PSME4: variants seen among roughly 807,000 people sequenced by gnomAD.
The protein encoded by PSME4 is proteasome activator complex subunit 4.
A neutral mutation model predicts 253.9 loss-of-function variants in PSME4; 89 were observed. The observed-to-expected ratio is 0.35, with a 90% CI of 0.30 to 0.42. The LOEUF is 0.42. Among genes scored for constraint, PSME4 ranks in the 10% least tolerant of loss-of-function variants. The pLI is 1.00. For missense variants in PSME4, 2,014 were observed against 2,195.2 expected (o/e 0.92, Z 1.65); for synonymous variants, 851 against 759.2 (o/e 1.12, Z -1.99).
At chr2:53,922,607 AG>A (rs750950558) in intron 16 of PSME4, 23 bp from the exon 17 acceptor site, 2 of 1,607,000 alleles carry the variant, frequency 1.2e-6, no homozygotes, top group Non-Finnish European at 1.7e-6. Context: ...AAATACTATT[AG>A]GGGGAAAAAC....
chr2:53,896,065 T>A (rs1680123547), intron 32 of PSME4, among the ~76,000 whole-genome samples: 1 of 151,890 alleles, frequency 6.6e-6, no homozygotes, highest in Non-Finnish European at 1.5e-5. Context: ...GCTCAAAAAA[T>A]TCCCACATCT....
Position 53,869,550 on chromosome 2 carries a change from A to G in PSME4, c.5101-12T>C. 2 of 1,482,582 alleles carry G rather than the reference A, an allele frequency of 1.3e-6. No homozygotes were observed. Among genetic ancestry groups the G allele is most frequent in the Non-Finnish European group, 1.8e-6 (2 of 1,095,876 alleles). The allele number at this position is 1,482,582 out of a possible 1,614,324, so 91.8% of individuals were successfully genotyped here. A position where few individuals can be genotyped will look rare whatever the true frequency, so the allele number is the denominator to read the frequency against. On this transcript the variant is annotated splice_polypyrimidine_tract_variant and intron_variant, in intron 43 of 46. Transcript: ENST00000404125. ...GCCATTTCTCGAACCTGTAGATATA[A>G]TAATTTCTATTAGGACTGACATTCT...
intron 20 of PSME4, among the ~76,000 whole-genome samples, chr2:53,910,766 G>C (rs991971355): frequency 2.0e-5 from 3 of 152,116 alleles, no homozygotes; most frequent in Admixed American, 2.0e-4. Context: ...CATATGCAAG[G>C]ACAGATTTTA....
chr2:53,935,968 A>G, intron 7 of PSME4, 119 bp downstream of exon 7: 1 of 1,365,272 alleles, frequency 7.3e-7, no homozygotes, highest in Non-Finnish European at 9.6e-7. Context: ...ATCTTGGCTC[A>G]CTGCAACCTC....
chr2:53,887,202 T>C, intron 40 of PSME4, 57 bp downstream of exon 40: 2 of 1,475,722 alleles, frequency 1.4e-6, no homozygotes, highest in Non-Finnish European at 1.9e-6. Context: ...CAAAAAACTC[T>C]ACAGGATAAT....
At chr2:53,884,851 T>C (rs1679564300) in intron 41 of PSME4, among the ~76,000 whole-genome samples, 1 of 152,216 alleles carries the variant, frequency 6.6e-6, no homozygotes, top group Non-Finnish European at 1.5e-5. Context: ...TTGCATAGCA[T>C]TCTTAAAAGT....
intron 19 of PSME4, 34 bp downstream of exon 19, chr2:53,920,158 CA>C (rs767070352): frequency 6.0e-5 from 93 of 1,542,192 alleles, no homozygotes; most frequent in Non-Finnish European, 7.6e-5. Context: ...CTTTAGTCTG[CA>C]ACTGAATAAC....
chr2:53,963,499 T>C (rs978144705), intron 1 of PSME4, among the ~76,000 whole-genome samples: 3 of 152,224 alleles, frequency 2.0e-5, no homozygotes, highest in Non-Finnish European at 4.4e-5. Flanking sequence ...TATTAACCCA[T>C]GACTGTACAC....
intron 31 of PSME4, among the ~76,000 whole-genome samples, chr2:53,897,168 T>TG: frequency 3.1e-5 from 1 of 32,418 alleles, no homozygotes; most frequent in East Asian, 1.9e-3. Flanking sequence ...AGCCTCAGGG[T>TG]TTTTTTTTTT....
chr2:53,925,924 T>A lies in PSME4; in HGVS notation c.1658+35A>T, dbSNP rs192964057. On this transcript the variant is annotated intron_variant, in intron 13 of 46. Coordinates refer to ENST00000404125, the MANE Select transcript of PSME4 (RefSeq NM_014614.3). ...GGGATAGAAGAGTCATTTTCTAGAA[T>A]TTCAGCTAAACGTTGGTGTGGGTTA... is the stretch of plus-strand genomic sequence containing the variant. 180 of 1,574,610 alleles carry A rather than the reference T, an allele frequency of 1.1e-4. 1 individual carries two copies. The Middle Eastern group carries it at 4.2e-3, about 37-fold the overall frequency.
At position 53,909,195 on chromosome 2, in the gene PSME4, A is replaced by G. The variant is rs192758607; in HGVS notation, c.2573-355T>C. Among the ~76,000 whole-genome samples the G allele has an allele frequency of 2.0e-4, 30 of 152,322 alleles. No homozygotes were observed. In the East Asian group the frequency reaches 5.6e-3, roughly 28 times the overall value. Reference sequence around the variant, plus strand: ...CAAAGGCTCTAGTCACTAATTAGAGATTAAAATACATGGAATTTTCTAATT... The same window carrying G: ...CAAAGGCTCTAGTCACTAATTAGAGGTTAAAATACATGGAATTTTCTAATT... On this transcript the variant is annotated intron_variant, in intron 21 of 46. Transcript: ENST00000404125.
At chr2:53,906,904 T>G (rs762073929) in intron 24 of PSME4, 36 bp from the exon 25 acceptor site, 5 of 1,595,398 alleles carry the variant, frequency 3.1e-6, no homozygotes, top group Non-Finnish European at 4.3e-6. Flanking sequence ...CTTCAACATT[T>G]TCCCTAAATG....
chr2:53,929,737 G>A (rs778163467), intron 10 of PSME4, among the ~76,000 whole-genome samples: 39 of 151,818 alleles, frequency 2.6e-4, no homozygotes, highest in Non-Finnish European at 4.9e-4. Context: ...AAAATCTTTG[G>A]CCAGCCATGG....
At chr2:53,868,345 G>A (rs1452367130) in intron 44 of PSME4, among the ~76,000 whole-genome samples, 1 of 150,744 alleles carries the variant, frequency 6.6e-6, no homozygotes, top group South Asian at 2.1e-4. Flanking sequence ...CTAGCTACTC[G>A]GCTAACAGGG....
intron 21 of PSME4, among the ~76,000 whole-genome samples, chr2:53,909,799 T>G (rs575149002): frequency 6.6e-6 from 1 of 152,030 alleles, no homozygotes; most frequent in African/African-American, 2.4e-5. Flanking sequence ...CTGTCTCTAC[T>G]AAAAATATAA....
intron 1 of PSME4, among the ~76,000 whole-genome samples, chr2:53,958,183 CAAAAAAAAAAAAAA>C (rs1211892917): frequency 1.5e-5 from 1 of 65,814 alleles, no homozygotes; most frequent in African/African-American, 6.1e-5. Context: ...AAGACTCTGT[CAAAAAAAAAAAAAA>C]AAAAAAAAAT....
chr2:53,924,419 A>G (rs1668465793), intron 14 of PSME4, among the ~76,000 whole-genome samples: 1 of 152,220 alleles, frequency 6.6e-6, no homozygotes, highest in South Asian at 2.1e-4. Context: ...AAGGCTACAG[A>G]TAATAGGTAC....
At chr2:53,966,292 T>A (rs1327732962) in intron 1 of PSME4, among the ~76,000 whole-genome samples, 1 of 151,862 alleles carries the variant, frequency 6.6e-6, no homozygotes, top group Admixed American at 6.6e-5. Context: ...TCAAAAAATA[T>A]AAAAATAAAA....
At chr2:53,967,903 A>C (rs1670820940) in intron 1 of PSME4, among the ~76,000 whole-genome samples, 1 of 152,150 alleles carries the variant, frequency 6.6e-6, no homozygotes, top group Non-Finnish European at 1.5e-5. Flanking sequence ...AGAAAGATAC[A>C]CACAATGACT....
Sources: allele counts gnomAD v4.1 joint callset (sites outside exome capture counted in the v4.1 genomes callset), GRCh38; gene constraint gnomAD v4.1.1; transcripts MANE v1.5; gene names NCBI Gene and HGNC (gene_info 2026-07-23, HGNC 2026-07-21).